ADCY9: variants seen among roughly 807,000 people sequenced by gnomAD.
ADCY9 encodes the protein adenylate cyclase type 9.
ADCY9 carries 50 observed loss-of-function variants against 101.5 expected under a neutral mutation model. The ratio of observed to expected loss-of-function variants is 0.49; its 90% CI spans 0.39 to 0.62. The LOEUF (loss-of-function observed/expected upper bound fraction) is 0.62. Among genes scored for constraint, ADCY9 ranks in the 20% least tolerant of loss-of-function variants. ADCY9 has a pLI of 0.00. For synonymous variants in ADCY9, 905 were observed against 769.3 expected (o/e 1.18, Z -2.92); for missense variants, 1,662 against 1,800.4 (o/e 0.92, Z 1.39).
In ADCY9 at chr16:3,963,143, T is replaced by TATATATATAC. The variant is rs1555504954; in HGVS notation, c.*2631_*2632insGTATATATAT. 16 of 157,108 alleles carry TATATATATAC rather than the reference T, an allele frequency of 1.0e-4. 1 individual carries two copies. Among genetic ancestry groups the TATATATATAC allele is most frequent in the East Asian group, 7.4e-4 (4 of 5,428 alleles). 9.7% of individuals were successfully genotyped at this position (157,108 alleles called of 1,614,324 possible). On this transcript the variant is annotated 3_prime_UTR_variant, in exon 11 of 11. Coordinates refer to ENST00000294016, the MANE Select transcript of ADCY9 (RefSeq NM_001116.4). ...ATATATATATATATATATATATATA[T>TATATATATAC]GGATATATAATTCGATCTGAGCTGG...
chr16:4,059,663 C>T (rs757603), intron 2 of ADCY9, among the ~76,000 whole-genome samples: 21,825 of 151,934 alleles, frequency 0.14, 1,610 homozygotes, highest in Middle Eastern at 0.18. Context: ...TTTGGGAGGC[C>T]GAGGCAGGAG....
At position 3,983,093 on chromosome 16, in the gene ADCY9, G is replaced by C. The variant is rs138291550; in HGVS notation, c.2519+139C>G. On this transcript the variant is annotated intron_variant, in intron 7 of 10. Coordinates refer to ENST00000294016, the MANE Select transcript of ADCY9 (RefSeq NM_001116.4). ...ATGCTGGGGCACAGGGCTCGGGGAGGACACGGGGACCCATCTCCAGAAATC... is the reference window on the plus strand; with the variant it reads ...ATGCTGGGGCACAGGGCTCGGGGAGCACACGGGGACCCATCTCCAGAAATC... The C allele has an allele frequency of 1.4e-3, 1,162 of 808,298 alleles. 16 individuals are homozygous for C. The African/African-American group carries it at 0.019, about 13-fold the overall frequency. The allele number at this position is 808,298 out of a possible 1,614,324, so 50.1% of individuals were successfully genotyped here. A position where few individuals can be genotyped will look rare whatever the true frequency, so the allele number is the denominator to read the frequency against.
chr16:3,976,346 T>C (rs970880504), intron 9 of ADCY9, among the ~76,000 whole-genome samples: 6 of 152,222 alleles, frequency 3.9e-5, no homozygotes, highest in Non-Finnish European at 8.8e-5. Context: ...ACATGAAAGA[T>C]AGGGATCTTA....
At chr16:3,985,067 A>G (rs2601777) in intron 6 of ADCY9, among the ~76,000 whole-genome samples, 88,700 of 151,766 alleles carry the variant, frequency 0.58, 26,290 homozygotes, top group Non-Finnish European at 0.64. Context: ...CCAAAAGGGC[A>G]AGTCAGGTCC....
chr16:3,988,956 A>G, intron 6 of ADCY9, 38 bp downstream of exon 6: 1 of 1,483,730 alleles, frequency 6.7e-7, no homozygotes, highest in Non-Finnish European at 9.4e-7. Context: ...AACAACAAAC[A>G]CATTCTTTAG....
chr16:4,097,634 T>C (rs2057017021), intron 2 of ADCY9, among the ~76,000 whole-genome samples: 1 of 140,802 alleles, frequency 7.1e-6, no homozygotes, highest in Admixed American at 7.6e-5. Flanking sequence ...GCAACCTCCA[T>C]CTCCTGGGTT....
intron 2 of ADCY9, among the ~76,000 whole-genome samples, chr16:4,039,080 C>T (rs889554720): frequency 3.3e-5 from 5 of 152,206 alleles, no homozygotes; most frequent in Admixed American, 2.6e-4. Flanking sequence ...GCATTACCCT[C>T]ACAGTTAACC....
chr16:4,111,816 G>T (rs1597234738), intron 2 of ADCY9, among the ~76,000 whole-genome samples: 2 of 143,426 alleles, frequency 1.4e-5, no homozygotes, highest in African/African-American at 2.5e-5. Flanking sequence ...ACTATTTGAG[G>T]TTTAAAAAAA....
chr16:4,021,258 G>C (rs545599054), intron 2 of ADCY9, among the ~76,000 whole-genome samples: 51 of 152,294 alleles, frequency 3.3e-4, no homozygotes, highest in Non-Finnish European at 5.7e-4. Flanking sequence ...GTTTAACTAG[G>C]CCTGAAGCCA....
intron 2 of ADCY9, among the ~76,000 whole-genome samples, chr16:4,092,475 A>G (rs1295950693): frequency 2.0e-5 from 3 of 152,236 alleles, no homozygotes; most frequent in Non-Finnish European, 2.9e-5. Context: ...AGCTTACAGT[A>G]TAACTAGTTA....
intron 2 of ADCY9, among the ~76,000 whole-genome samples, chr16:4,100,979 T>C (rs984909962): frequency 1.3e-5 from 2 of 152,162 alleles, no homozygotes; most frequent in African/African-American, 2.4e-5. Flanking sequence ...AGAAAATTAT[T>C]CCAACTTTCA....
rs1041158218 is a variant in ADCY9 at position 4,008,566 on chromosome 16, C to T, written c.1694-1008G>A. On this transcript the variant is annotated intron_variant, in intron 2 of 10. Coordinates refer to ENST00000294016, the MANE Select transcript of ADCY9 (RefSeq NM_001116.4). ...AATAAAATCATGAACAAAGCAGGGTCCCTTCTTTTTTTTTTTTTTAATTGA... is the reference window on the plus strand; with the variant it reads ...AATAAAATCATGAACAAAGCAGGGTTCCTTCTTTTTTTTTTTTTTAATTGA... Among the ~76,000 whole-genome samples the T allele has an allele frequency of 3.3e-5, 5 of 151,508 alleles. No individual in the cohort carries two copies. In the South Asian group the frequency reaches 1.0e-3, roughly 32 times the overall value.
At chr16:3,985,910 C>A (rs1207214815) in intron 6 of ADCY9, among the ~76,000 whole-genome samples, 1 of 152,138 alleles carries the variant, frequency 6.6e-6, no homozygotes, top group Non-Finnish European at 1.5e-5. Flanking sequence ...CCCGGGAGTG[C>A]CACCTGTCCC....
At chr16:4,079,118 T>A (rs937422908) in intron 2 of ADCY9, among the ~76,000 whole-genome samples, 2 of 152,212 alleles carry the variant, frequency 1.3e-5, no homozygotes, top group African/African-American at 4.8e-5. Context: ...TGCATCCTGA[T>A]GTGAGGGATG....
rs1398104564 is a variant in ADCY9, at chr16:4,001,058, AAGAC to A, written c.1884+6306_1884+6309del. Among the ~76,000 whole-genome samples, 4 of 150,678 alleles carry A rather than the reference AAGAC, an allele frequency of 2.7e-5. No homozygotes were observed. The Admixed American group carries it at 2.7e-4, about 10-fold the overall frequency. ...AATTTTAGACTTGCAGAGAGTGGGAAAGACAGTTCAAGGACTCTGCATATATCCT... is the reference window on the plus strand; with the variant it reads ...AATTTTAGACTTGCAGAGAGTGGGAAAGTTCAAGGACTCTGCATATATCCT... On this transcript the variant is annotated intron_variant, in intron 3 of 10. Coordinates refer to ENST00000294016, the MANE Select transcript of ADCY9 (RefSeq NM_001116.4).
intron 2 of ADCY9, among the ~76,000 whole-genome samples, chr16:4,009,350 C>T (rs531151866): frequency 6.6e-6 from 1 of 152,208 alleles, no homozygotes; most frequent in South Asian, 2.1e-4. Context: ...TGGCTCCCTA[C>T]AGCCCCCACC....
intron 9 of ADCY9, 82 bp downstream of exon 9, chr16:3,977,400 G>A: frequency 3.4e-6 from 5 of 1,489,232 alleles, no homozygotes; most frequent in Non-Finnish European, 4.5e-6. Context: ...GAGAAGCAAT[G>A]TGCAAATGCA....
intron 2 of ADCY9, among the ~76,000 whole-genome samples, chr16:4,096,888 AG>A (rs2057007009): frequency 6.6e-6 from 1 of 151,988 alleles, no homozygotes; most frequent in African/African-American, 2.4e-5. Context: ...CCGCTTTGGA[AG>A]GGGGAAAAAA....
intron 2 of ADCY9, among the ~76,000 whole-genome samples, chr16:4,113,212 C>CA (rs1379632275): frequency 6.6e-6 from 1 of 151,782 alleles, no homozygotes; most frequent in Non-Finnish European, 1.5e-5. Flanking sequence ...AGTGTGTACT[C>CA]AGAGGTAAGT....
Sources: allele counts gnomAD v4.1 joint callset (sites outside exome capture counted in the v4.1 genomes callset), GRCh38; gene constraint gnomAD v4.1.1; transcripts MANE v1.5; gene names NCBI Gene and HGNC (gene_info 2026-07-23, HGNC 2026-07-21).